Variants in CDH13 observed in about 807,000 individuals in gnomAD.
CDH13 encodes cadherin-13.
In CDH13, 24 loss-of-function variants were observed where a neutral mutation model predicts 63.8. The ratio of observed to expected loss-of-function variants is 0.38; its 90% CI spans 0.27 to 0.53. The LOEUF is 0.53. Among genes scored for constraint, CDH13 ranks in the 20% least tolerant of loss-of-function variants. The pLI is 0.85. For missense variants in CDH13, 1,049 were observed against 903.1 expected (o/e 1.16, Z -2.07); for synonymous variants, 503 against 355.3 (o/e 1.42, Z -4.67).
rs138712027 is a variant in CDH13 at position 82,807,445 on chromosome 16, A to G, written c.46-50917A>G. On this transcript the variant is annotated intron_variant, in intron 1 of 13. Coordinates refer to ENST00000567109, the MANE Select transcript of CDH13 (RefSeq NM_001257.5). ...GAGAATAGCAGGGTTAGAACAATAG[A>G]GGATTCCAAGATCAAGGGGAAGGGT... Among the ~76,000 whole-genome samples the G allele has an allele frequency of 1.8e-3, 279 of 152,278 alleles. 1 individual carries two copies. The highest frequency in any genetic ancestry group is 6.3e-3 in the African/African-American group (262 of 41,562).
chr16:82,876,417 C>T (rs542017089), intron 2 of CDH13, among the ~76,000 whole-genome samples: 2 of 152,242 alleles, frequency 1.3e-5, no homozygotes, highest in South Asian at 4.2e-4. Context: ...ACATGCAACC[C>T]ACATTTTTGT....
intron 2 of CDH13, among the ~76,000 whole-genome samples, chr16:82,875,401 A>C (rs184554070): frequency 1.3e-5 from 2 of 152,328 alleles, no homozygotes; most frequent in African/African-American, 4.8e-5. Flanking sequence ...ATACTTAATT[A>C]AAATAGAAGG....
intron 5 of CDH13, among the ~76,000 whole-genome samples, chr16:83,323,631 C>T (rs1235153715): frequency 1.3e-5 from 2 of 152,024 alleles, no homozygotes; most frequent in African/African-American, 4.8e-5. Flanking sequence ...CAAAAATAAA[C>T]AAAAAATAAA....
chr16:83,318,033 G>A (rs1326185342), intron 5 of CDH13, among the ~76,000 whole-genome samples: 4 of 152,174 alleles, frequency 2.6e-5, no homozygotes, highest in Non-Finnish European at 5.9e-5. Context: ...GGAGGAAGCT[G>A]TAGTCAGCCT....
chr16:82,715,540 A>C (rs767521801), intron 1 of CDH13, among the ~76,000 whole-genome samples: 3 of 152,200 alleles, frequency 2.0e-5, no homozygotes, highest in Non-Finnish European at 4.4e-5. Context: ...CTCCCTCACC[A>C]GATTAGCTGG....
chr16:83,780,910 G>A (rs981392963), intron 12 of CDH13, among the ~76,000 whole-genome samples: 2 of 152,176 alleles, frequency 1.3e-5, no homozygotes, highest in Non-Finnish European at 2.9e-5. Flanking sequence ...GAGGCTTTTC[G>A]TGGTGTACCT....
chr16:83,572,175 GGTGTGTGTGTGTGT>G (rs71148844), intron 7 of CDH13, among the ~76,000 whole-genome samples: 7 of 145,584 alleles, frequency 4.8e-5, no homozygotes, highest in South Asian at 4.5e-4. Context: ...ACTTTCCTGT[GGTGTGTGTGTGTGT>G]GTGTGTGTGT....
intron 5 of CDH13, among the ~76,000 whole-genome samples, chr16:83,271,149 T>C (rs2088794319): frequency 6.6e-6 from 1 of 151,982 alleles, no homozygotes; most frequent in South Asian, 2.1e-4. Context: ...TTTTGACCAC[T>C]GATACATGTA....
intron 4 of CDH13, among the ~76,000 whole-genome samples, chr16:83,205,627 A>G (rs904813093): frequency 6.8e-6 from 1 of 147,006 alleles, no homozygotes; most frequent in African/African-American, 2.5e-5. Context: ...TTTTTTTGAG[A>G]CAAAGTCTTG....
At chr16:83,226,204 C>G (rs145518141) in intron 5 of CDH13, among the ~76,000 whole-genome samples, 223 of 152,286 alleles carry the variant, frequency 1.5e-3, no homozygotes, top group African/African-American at 5.2e-3. Flanking sequence ...CATTTTATTA[C>G]AACCCGGCCT....
At chr16:83,236,774 G>C (rs1334298285) in intron 5 of CDH13, among the ~76,000 whole-genome samples, 2 of 152,104 alleles carry the variant, frequency 1.3e-5, no homozygotes, top group African/African-American at 4.8e-5. Context: ...AAGGAATAGA[G>C]TAGGTTAAGC....
chr16:83,580,816 T>C (rs923472394), intron 7 of CDH13, among the ~76,000 whole-genome samples: 1 of 152,064 alleles, frequency 6.6e-6, no homozygotes, highest in Non-Finnish European at 1.5e-5. Flanking sequence ...AAGTCCATTA[T>C]TTTACTTCTT....
chr16:83,741,596 T>G (rs1028477069), intron 10 of CDH13, among the ~76,000 whole-genome samples: 2 of 152,154 alleles, frequency 1.3e-5, no homozygotes, highest in Non-Finnish European at 2.9e-5. Flanking sequence ...TCTCCCTATA[T>G]ATAAATTTGA....
chr16:83,561,088 T>C (rs1042915382), intron 7 of CDH13, among the ~76,000 whole-genome samples: 1 of 152,188 alleles, frequency 6.6e-6, no homozygotes, highest in African/African-American at 2.4e-5. Flanking sequence ...AAACCATTTT[T>C]GTTTGGATGT....
intron 1 of CDH13, among the ~76,000 whole-genome samples, chr16:82,808,857 C>G (rs1302349727): frequency 6.6e-6 from 1 of 152,058 alleles, no homozygotes; most frequent in Non-Finnish European, 1.5e-5. Context: ...ATTCATTTAA[C>G]CTTTTTACTA....
intron 2 of CDH13, among the ~76,000 whole-genome samples, chr16:82,971,766 T>A (rs1021028350): frequency 6.6e-6 from 1 of 152,204 alleles, no homozygotes; most frequent in South Asian, 2.1e-4. Flanking sequence ...AACATTTAAG[T>A]TCATTGGATT....
chr16:82,990,824 A>G (rs1911571610), intron 2 of CDH13, among the ~76,000 whole-genome samples: 1 of 152,184 alleles, frequency 6.6e-6, no homozygotes, highest in Admixed American at 6.5e-5. Flanking sequence ...TACAGGTGTG[A>G]GCCACTGTGC....
At chr16:83,220,772 G>A (rs10871445) in intron 5 of CDH13, among the ~76,000 whole-genome samples, 149,576 of 152,118 alleles carry the variant, frequency 0.98, 73,596 homozygotes, top group East Asian at 1. Context: ...ATGCAAGTAC[G>A]TGTTGATGTA....
At chr16:83,353,688 C>T (rs1199804814) in intron 6 of CDH13, among the ~76,000 whole-genome samples, 1 of 152,218 alleles carries the variant, frequency 6.6e-6, no homozygotes, top group East Asian at 1.9e-4. Flanking sequence ...TCCTGAAACA[C>T]TCTCCTCTCT....
Sources: gnomAD v4.1 joint callset for allele counts (sites outside exome capture counted in the v4.1 genomes callset) on GRCh38, gnomAD v4.1.1 for gene constraint, MANE v1.5 for transcripts, NCBI Gene and HGNC (gene_info 2026-07-23, HGNC 2026-07-21) for gene names.